CADM2: variants seen among roughly 807,000 people sequenced by gnomAD.
CADM2 encodes the protein immunoglobulin superfamily member 4D.
A neutral mutation model predicts 49.8 loss-of-function variants in CADM2; 12 were observed. The observed-to-expected ratio is 0.24, with a 90% CI of 0.15 to 0.39. The LOEUF (loss-of-function observed/expected upper bound fraction) is 0.39. Ranked by LOEUF, CADM2 falls within the 10% of genes least tolerant of loss-of-function variation. The pLI is 1.00. For missense variants in CADM2, 378 were observed against 492.3 expected, an observed-to-expected ratio of 0.77 and a Z score of 2.20; for synonymous variants, 214 against 175.4, an observed-to-expected ratio of 1.22 and a Z score of -1.74.
chr3:85,588,779 C>T (rs1051475338), intron 1 of CADM2, among the ~76,000 whole-genome samples: 3 of 151,954 alleles, frequency 2.0e-5, no homozygotes, highest in Non-Finnish European at 4.4e-5. Flanking sequence ...TCAGGGCAGA[C>T]ACTCTGGTAG....
intron 1 of CADM2, among the ~76,000 whole-genome samples, chr3:85,112,631 C>G (rs770347822): frequency 4.6e-5 from 7 of 151,726 alleles, no homozygotes; most frequent in Non-Finnish European, 1.0e-4. Flanking sequence ...ATATAAAATA[C>G]TTTATTTCTG....
intron 8 of CADM2, among the ~76,000 whole-genome samples, chr3:86,064,389 C>CT (rs1182420388): frequency 6.6e-6 from 1 of 152,034 alleles, no homozygotes; most frequent in Non-Finnish European, 1.5e-5. Context: ...TGGACTCATC[C>CT]TTTTTTTATG....
chr3:85,819,606 CA>C (rs1450524951), intron 3 of CADM2, among the ~76,000 whole-genome samples: 1 of 152,054 alleles, frequency 6.6e-6, no homozygotes, highest in African/African-American at 2.4e-5. Context: ...GAGAAGGTGT[CA>C]TCAAGGAAAT....
chr3:84,987,168 G>A (rs1166721877), intron 1 of CADM2, among the ~76,000 whole-genome samples: 1 of 152,064 alleles, frequency 6.6e-6, no homozygotes, highest in African/African-American at 2.4e-5. Flanking sequence ...CTATGAGTAT[G>A]TGTATGTGTA....
intron 8 of CADM2, among the ~76,000 whole-genome samples, chr3:86,008,567 C>T (rs1278364262): frequency 9.9e-5 from 15 of 151,914 alleles, no homozygotes; most frequent in Admixed American, 3.3e-4. Flanking sequence ...GAAGGCAATA[C>T]GTAATCTATG....
chr3:85,940,747 C>T (rs1486077300), intron 7 of CADM2, among the ~76,000 whole-genome samples: 1 of 152,040 alleles, frequency 6.6e-6, no homozygotes, highest in South Asian at 2.1e-4. Context: ...AAAGAGAATG[C>T]AGACCTGGGT....
At chr3:85,247,391 T>C (rs994264819) in intron 1 of CADM2, among the ~76,000 whole-genome samples, 1 of 152,152 alleles carries the variant, frequency 6.6e-6, no homozygotes, top group African/African-American at 2.4e-5. Context: ...TAAAGCAGCA[T>C]AACTGTTGTT....
At chr3:85,981,579 G>A (rs1727494360) in intron 8 of CADM2, among the ~76,000 whole-genome samples, 2 of 151,464 alleles carry the variant, frequency 1.3e-5, no homozygotes, top group South Asian at 4.2e-4. Context: ...TCAATATTTA[G>A]CTCTGACTTA....
intron 2 of CADM2, among the ~76,000 whole-genome samples, chr3:85,756,161 A>AT (rs35356516): frequency 0.36 from 54,146 of 150,012 alleles, 10,779 homozygotes; most frequent in Non-Finnish European, 0.46. Flanking sequence ...ACAAAGACCA[A>AT]TTTTTTTTTT....
chr3:85,207,197 A>G (rs1311054838), intron 1 of CADM2, among the ~76,000 whole-genome samples: 1 of 152,148 alleles, frequency 6.6e-6, no homozygotes, highest in Non-Finnish European at 1.5e-5. Context: ...ATCTGCCTTC[A>G]GAATAAGTGT....
chr3:85,897,169 T>G (rs1050516070), intron 5 of CADM2, among the ~76,000 whole-genome samples: 8 of 149,862 alleles, frequency 5.3e-5, no homozygotes, highest in African/African-American at 2.0e-4. Flanking sequence ...GATTCTGTAA[T>G]ATGGAATCAG....
intron 1 of CADM2, among the ~76,000 whole-genome samples, chr3:85,092,313 G>T (rs1039440491): frequency 6.6e-5 from 10 of 152,102 alleles, no homozygotes; most frequent in African/African-American, 2.4e-4. Flanking sequence ...CCTCTTCTAT[G>T]TAAGAAGAAT....
At chr3:85,140,821 T>C (rs1023332468) in intron 1 of CADM2, among the ~76,000 whole-genome samples, 1 of 152,170 alleles carries the variant, frequency 6.6e-6, no homozygotes, top group African/African-American at 2.4e-5. Flanking sequence ...CAGCTTGTCT[T>C]TAACTTGGCA....
intron 5 of CADM2, among the ~76,000 whole-genome samples, chr3:85,900,552 G>T (rs999937856): frequency 1.1e-4 from 17 of 151,908 alleles, no homozygotes; most frequent in Admixed American, 6.6e-5. Flanking sequence ...ATTTTTACTG[G>T]CTTTTACTTA....
At chr3:85,399,319 G>T (rs2034965954) in intron 1 of CADM2, among the ~76,000 whole-genome samples, 1 of 152,090 alleles carries the variant, frequency 6.6e-6, no homozygotes, top group South Asian at 2.1e-4. Flanking sequence ...TATTATTTCT[G>T]AGGGCTCTGT....
At chr3:85,760,505 G>A (rs924949448) in intron 2 of CADM2, among the ~76,000 whole-genome samples, 1 of 152,038 alleles carries the variant, frequency 6.6e-6, no homozygotes, top group African/African-American at 2.4e-5. Context: ...ACAACTCATC[G>A]ACATGAACTT....
At chr3:85,031,692 AT>A (rs896621013) in intron 1 of CADM2, among the ~76,000 whole-genome samples, 25 of 148,354 alleles carry the variant, frequency 1.7e-4, no homozygotes, top group African/African-American at 5.0e-4. Flanking sequence ...TTTTTTGTGT[AT>A]TTTTTTTTAG....
chr3:85,772,248 A>G (rs1016673416), intron 2 of CADM2, among the ~76,000 whole-genome samples: 15 of 151,910 alleles, frequency 9.9e-5, no homozygotes, highest in African/African-American at 3.6e-4. Context: ...CATAATATTA[A>G]CTGGTCATTA....
At position 86,074,089 on chromosome 3, in the gene CADM2, T is replaced by C. The variant is rs1467900799; in HGVS notation, c.*7306T>C. Reference sequence around the variant, plus strand: ...ATTCACTTATGTGTGTTTACTAATGTTGAGTAGGAACAGAAGCAAAAATAC... The same window carrying C: ...ATTCACTTATGTGTGTTTACTAATGCTGAGTAGGAACAGAAGCAAAAATAC... On this transcript the variant is annotated 3_prime_UTR_variant, in exon 10 of 10. Transcript: ENST00000383699. 2 of 152,020 alleles carry C rather than the reference T, an allele frequency of 1.3e-5. No homozygotes were observed. Among genetic ancestry groups the C allele is most frequent in the Non-Finnish European group, 2.9e-5 (2 of 67,896 alleles). 9.4% of individuals were successfully genotyped at this position (152,020 alleles called of 1,614,324 possible).
Sources: allele counts gnomAD v4.1 joint callset (sites outside exome capture counted in the v4.1 genomes callset), GRCh38; gene constraint gnomAD v4.1.1; transcripts MANE v1.5; gene names NCBI Gene and HGNC (gene_info 2026-07-23, HGNC 2026-07-21).